The following TECPR2 variants were observed in gnomAD, a reference collection of about 807,000 sequenced individuals.
TECPR2 encodes the protein tectonin beta-propeller repeat-containing protein 2.
In TECPR2, 65 loss-of-function variants were observed where a neutral mutation model predicts 138.1. The ratio of observed to expected loss-of-function variants is 0.47; its 90% CI spans 0.39 to 0.58. The LOEUF (loss-of-function observed/expected upper bound fraction) is 0.58, where lower values mean the gene tolerates loss of function less well. TECPR2 is among the 20% of genes least tolerant of loss of function. TECPR2 has a pLI of 0.00. For synonymous variants in TECPR2, 746 were observed against 749.8 expected, an observed-to-expected ratio of 0.99 and a Z score of 0.08; for missense variants, 1,553 against 1,824.5, an observed-to-expected ratio of 0.85 and a Z score of 2.71.
intron 17 of TECPR2, among the ~76,000 whole-genome samples, chr14:102,480,603 A>T (rs1890869769): frequency 6.6e-6 from 1 of 151,730 alleles, no homozygotes. Flanking sequence ...CACTATAACC[A>T]CAAACCCCTG....
intron 9 of TECPR2, among the ~76,000 whole-genome samples, chr14:102,437,405 G>A (rs1225987384): frequency 6.6e-6 from 1 of 152,062 alleles, no homozygotes; most frequent in Non-Finnish European, 1.5e-5. Flanking sequence ...AAAATAGCCG[G>A]GTGTGGTGGC....
In TECPR2 at chr14:102,465,243, C is replaced by T; in HGVS notation, c.3743C>T (p.Pro1248Leu). The change falls in exon 17 of 20, where the codon CCC becomes CTC. Residue 1248 changes from proline to leucine, a missense_variant. Coordinates refer to ENST00000359520, the MANE Select transcript of TECPR2 (RefSeq NM_014844.5). Reference protein sequence around the residue: ...YFRVGTQPLNPSLMLPAWIMI... With the variant: ...YFRVGTQPLNLSLMLPAWIMI... ...CGTGTAGGGACTCAGCCTCTCAATCCCAGTCTCATGCTTCCAGCCTGGATA... is the reference window on the plus strand; with the variant it reads ...CGTGTAGGGACTCAGCCTCTCAATCTCAGTCTCATGCTTCCAGCCTGGATA... 6.2e-7 allele frequency: 1 copy of T among 1,614,014 alleles called. No homozygotes were observed. The highest frequency in any genetic ancestry group is 1.1e-5 in the South Asian group (1 of 91,070).
intron 1 of TECPR2, among the ~76,000 whole-genome samples, chr14:102,367,713 C>T (rs1362328843): frequency 6.6e-6 from 1 of 152,078 alleles, no homozygotes; most frequent in Non-Finnish European, 1.5e-5. Context: ...ATATTATGAA[C>T]ATTTATCTAC....
Position 102,465,373 on chromosome 14 carries a change from C to T in TECPR2, c.3789+84C>T, listed in dbSNP as rs1224846259. On this transcript the variant is annotated intron_variant, in intron 17 of 19. Transcript: ENST00000359520. The stretch of plus-strand genomic sequence containing the variant: ...CTGGTACTGGGAAAAAGGATCTGCA[C>T]AGCCTCTAGAGGCCTCCCAGCAAAT... The T allele has an allele frequency of 7.7e-6, 12 of 1,555,052 alleles. No individual in the cohort carries two copies. In the East Asian group the frequency reaches 2.5e-4, roughly 32 times the overall value.
At chr14:102,367,788 A>C (rs1435102228) in intron 1 of TECPR2, among the ~76,000 whole-genome samples, 1 of 152,208 alleles carries the variant, frequency 6.6e-6, no homozygotes, top group East Asian at 1.9e-4. Context: ...CTTCTGGGTC[A>C]CATGGTAACT....
At chr14:102,497,215 G>T in intron 18 of TECPR2, 95 bp downstream of exon 18, 1 of 1,496,978 alleles carries the variant, frequency 6.7e-7, no homozygotes, top group Non-Finnish European at 8.9e-7. Context: ...TGTCTGTGAG[G>T]CAGCCTTTGT....
intron 2 of TECPR2, among the ~76,000 whole-genome samples, chr14:102,400,926 C>T (rs889966559): frequency 5.9e-5 from 9 of 151,674 alleles, no homozygotes; most frequent in African/African-American, 9.7e-5. Context: ...CCCAGCCACC[C>T]GGGAGGCTGA....
chr14:102,414,087 G>C (rs1045837073), intron 4 of TECPR2, among the ~76,000 whole-genome samples: 10 of 152,080 alleles, frequency 6.6e-5, no homozygotes, highest in African/African-American at 9.7e-5. Context: ...CTAACCTTCT[G>C]TTTTCTATTA....
At position 102,407,489 on chromosome 14, in the gene TECPR2, C is replaced by T. The variant is rs766043490; in HGVS notation, c.348+23C>T. 1.3e-5 allele frequency: 20 copies of T among 1,584,900 alleles called. No homozygotes were observed. In the South Asian group the frequency reaches 1.3e-4, roughly 10 times the overall value. Reference sequence around the variant, plus strand: ...CAGGTGAGTACTCATGATCTTAACACGTGTTAACTTCTTGGCACATTCCTC... The same window carrying T: ...CAGGTGAGTACTCATGATCTTAACATGTGTTAACTTCTTGGCACATTCCTC... On this transcript the variant is annotated intron_variant, in intron 3 of 19. Transcript: ENST00000359520.
In TECPR2 at chr14:102,418,491, G is replaced by A. The variant is rs1889088030; in HGVS notation, c.638+3698G>A. Among the ~76,000 whole-genome samples, 3 of 152,250 alleles carry A rather than the reference G, an allele frequency of 2.0e-5. No homozygotes were observed. The South Asian group carries it at 6.2e-4, about 31-fold the overall frequency. ...TTCCTGAAACAAAGAGGCAACTAGT[G>A]CGAGAAGACCTTAGAGAGAGGCTCT... On this transcript the variant is annotated intron_variant, in intron 5 of 19. Transcript: ENST00000359520.
intron 9 of TECPR2, chr14:102,437,075 G>A (rs1428135064): frequency 2.0e-6 from 2 of 985,300 alleles, no homozygotes; most frequent in Non-Finnish European, 2.4e-6. Context: ...TTATTTGGAG[G>A]TTCGGTGTGG....
At chr14:102,445,692 C>T in intron 12 of TECPR2, 114 bp from the exon 13 acceptor site, 1 of 1,362,972 alleles carries the variant, frequency 7.3e-7, no homozygotes. Flanking sequence ...CGCTCCAGGG[C>T]CACGTCTCTT....
intron 2 of TECPR2, among the ~76,000 whole-genome samples, chr14:102,392,736 G>A (rs926881195): frequency 6.6e-6 from 1 of 152,064 alleles, no homozygotes; most frequent in African/African-American, 2.4e-5. Flanking sequence ...GAACCCTGGG[G>A]GACCTGGATC....
intron 16 of TECPR2, among the ~76,000 whole-genome samples, chr14:102,463,391 T>A (rs1452523672): frequency 8.3e-6 from 1 of 120,058 alleles, no homozygotes; most frequent in African/African-American, 3.3e-5. Context: ...CACTCCAGCC[T>A]GGGCGACAGA....
At chr14:102,364,767 G>T (rs1567309627) in intron 1 of TECPR2, among the ~76,000 whole-genome samples, 1 of 151,986 alleles carries the variant, frequency 6.6e-6, no homozygotes, top group African/African-American at 2.4e-5. Flanking sequence ...TGTAGGAGTT[G>T]AAAAAAATGG....
chr14:102,379,785 A>G (rs867978929), intron 2 of TECPR2, among the ~76,000 whole-genome samples: 30 of 137,458 alleles, frequency 2.2e-4, no homozygotes, highest in South Asian at 9.8e-4. Context: ...GAGGCGTCCT[A>G]GTCACACTGC....
chr14:102,364,604 G>A (rs1439684441), intron 1 of TECPR2, among the ~76,000 whole-genome samples: 1 of 152,234 alleles, frequency 6.6e-6, no homozygotes, highest in East Asian at 1.9e-4. Context: ...TTCTGAAGGA[G>A]TGACTAGGAA....
chr14:102,399,923 C>A (rs1779115746), intron 2 of TECPR2, among the ~76,000 whole-genome samples: 1 of 151,252 alleles, frequency 6.6e-6, no homozygotes, highest in Non-Finnish European at 1.5e-5. Context: ...ATTACTGTAA[C>A]AATGGTTTAT....
chr14:102,398,313 A>G (rs1888374747), intron 2 of TECPR2, among the ~76,000 whole-genome samples: 1 of 152,138 alleles, frequency 6.6e-6, no homozygotes, highest in Non-Finnish European at 1.5e-5. Context: ...AAGTCTGACA[A>G]ACAGAAAAAT....
Sources: gnomAD v4.1 joint callset for allele counts (sites outside exome capture counted in the v4.1 genomes callset) on GRCh38, gnomAD v4.1.1 for gene constraint, MANE v1.5 for transcripts, NCBI Gene and HGNC (gene_info 2026-07-23, HGNC 2026-07-21) for gene names.